CYFIP2: variants seen among roughly 807,000 people sequenced by gnomAD.
CYFIP2 encodes cytoplasmic FMR1 interacting protein 2, also known as cytoplasmic FMR1-interacting protein 2.
In CYFIP2, 29 loss-of-function variants were observed where a neutral mutation model predicts 158.7. The observed-to-expected ratio is 0.18, with a 90% CI of 0.14 to 0.25. CYFIP2 has a LOEUF of 0.25. Among genes scored for constraint, CYFIP2 ranks in the 10% least tolerant of loss-of-function variants. The probability of loss-of-function intolerance (pLI) is 1.00; values close to 1 mark genes in which losing one functional copy is unlikely to be tolerated. For missense variants in CYFIP2, 852 were observed against 1,639.5 expected (o/e 0.52, Z 8.29); for synonymous variants, 585 against 617.6 (o/e 0.95, Z 0.78).
At chr5:157,309,496 C>T (rs143501049) in intron 9 of CYFIP2, among the ~76,000 whole-genome samples, 26 of 152,334 alleles carry the variant, frequency 1.7e-4, no homozygotes, top group African/African-American at 5.8e-4. Flanking sequence ...TGACCTTGGA[C>T]AAGTCACTTT....
intron 18 of CYFIP2, among the ~76,000 whole-genome samples, chr5:157,327,735 G>T (rs73304155): frequency 2.5e-4 from 38 of 152,130 alleles, no homozygotes; most frequent in African/African-American, 8.7e-4. Context: ...CTGAGGAGAG[G>T]GGCCGTGGGG....
chr5:157,293,219 C>T (rs1234512170), intron 3 of CYFIP2, among the ~76,000 whole-genome samples: 2 of 152,184 alleles, frequency 1.3e-5, no homozygotes, highest in African/African-American at 2.4e-5. Flanking sequence ...CCACACCTGG[C>T]TAATTTTTGT....
At position 157,389,204 on chromosome 5, in the gene CYFIP2, C is replaced by T. The variant is rs868315333; in HGVS notation, c.3223C>T (p.Arg1075Cys). The T allele has an allele frequency of 7.4e-6, 12 of 1,611,326 alleles. No individual in the cohort carries two copies. The highest frequency in any genetic ancestry group is 1.0e-5 in the Non-Finnish European group (12 of 1,178,172). ...CTGTTTCCAGCAAATCGCCATTGCT[C>T]GCGAGGGTGACCTCCTGACCAAGGA... ...LGTPQQIAIA[R>C]EGDLLTKERL... Residue 1075 changes from arginine to cysteine, a missense_variant, in exon 29 of 31, where the codon CGC (arginine) becomes TGC (cysteine). Around this residue, in one of 8 missense-constraint regions of CYFIP2, gnomAD observed 223 missense variants for 381.6 expected, o/e 0.58. Transcript: ENST00000620254.
intron 26 of CYFIP2, among the ~76,000 whole-genome samples, chr5:157,370,902 T>A (rs1264413324): frequency 6.6e-6 from 1 of 152,232 alleles, no homozygotes; most frequent in Admixed American, 6.5e-5. Context: ...TACAGCACTA[T>A]TCAAGCAAGG....
intron 26 of CYFIP2, among the ~76,000 whole-genome samples, chr5:157,379,355 ATTAAAC>A (rs1421916310): frequency 6.6e-6 from 1 of 152,128 alleles, no homozygotes; most frequent in African/African-American, 2.4e-5. Context: ...TACCCCATAA[ATTAAAC>A]TTAAATGAAA....
chr5:157,286,194 C>T (rs1757361635), intron 2 of CYFIP2, among the ~76,000 whole-genome samples: 1 of 152,106 alleles, frequency 6.6e-6, no homozygotes. Flanking sequence ...CATTGATTCA[C>T]ATCTTCTAAC....
intron 3 of CYFIP2, 40 bp from the exon 4 acceptor site, chr5:157,294,743 C>T (rs780605196): frequency 1.1e-5 from 18 of 1,586,508 alleles, no homozygotes; most frequent in East Asian, 4.5e-5. Context: ...TGGTGGCACC[C>T]GTCTTGTTCC....
At chr5:157,330,394 G>T (rs568814371) in intron 19 of CYFIP2, among the ~76,000 whole-genome samples, 79 of 152,016 alleles carry the variant, frequency 5.2e-4, no homozygotes, top group Middle Eastern at 3.4e-3. Context: ...TTCCTCACTC[G>T]AATATAAACT....
At chr5:157,389,473 G>A in intron 29 of CYFIP2, 46 bp downstream of exon 29, 1 of 1,475,758 alleles carries the variant, frequency 6.8e-7, no homozygotes, top group Non-Finnish European at 9.1e-7. Flanking sequence ...ACCTGCCTGT[G>A]CTCCTGCAAG....
intron 23 of CYFIP2, among the ~76,000 whole-genome samples, chr5:157,357,875 T>G (rs916314975): frequency 6.6e-6 from 1 of 151,770 alleles, no homozygotes; most frequent in South Asian, 2.1e-4. Context: ...TGAAACCTTA[T>G]GTAAAAAACT....
intron 1 of CYFIP2, among the ~76,000 whole-genome samples, chr5:157,280,330 G>T (rs895259388): frequency 6.6e-6 from 1 of 150,878 alleles, no homozygotes; most frequent in African/African-American, 2.4e-5. Context: ...CTGAGTAGCT[G>T]GGATTACAGG....
intron 1 of CYFIP2, among the ~76,000 whole-genome samples, chr5:157,272,024 C>G (rs1289640871): frequency 6.6e-6 from 1 of 152,210 alleles, no homozygotes; most frequent in African/African-American, 2.4e-5. Flanking sequence ...AGGCCGTTCC[C>G]CTGAGCTGCT....
rs372488845 is a variant in CYFIP2, at chr5:157,287,124, C to G, written c.207+16C>G. On this transcript the variant is annotated intron_variant, in intron 3 of 30. Coordinates refer to ENST00000620254, the MANE Select transcript of CYFIP2 (RefSeq NM_001037333.3). ...CTCCAGCATGGTAAGTCTCTGTGACCCACGTGTGCAGACATGCTCCCTGCT... is the reference window on the plus strand; with the variant it reads ...CTCCAGCATGGTAAGTCTCTGTGACGCACGTGTGCAGACATGCTCCCTGCT... 70 of 1,609,208 alleles carry G rather than the reference C, an allele frequency of 4.3e-5. No individual in the cohort carries two copies. The African/African-American group carries it at 8.7e-4, about 20-fold the overall frequency.
Position 157,359,059 on chromosome 5 carries a change from C to A in CYFIP2, c.2728C>A (p.Pro910Thr), listed in dbSNP as rs1343373167. The change falls in exon 24 of 31, where the codon CCA becomes ACA. Residue 910 changes from proline (P) to threonine (T), a missense_variant. Physicochemically the swap from Pro to Thr is conservative, Grantham distance 38. This residue lies in a region of CYFIP2 where 191 missense variants were observed against 311.2 expected (regional missense o/e 0.61). Transcript: ENST00000620254. Reference protein sequence around the residue: ...IYSSYRNFVGPPHFKTICRLL... With the variant: ...IYSSYRNFVGTPHFKTICRLL... ...CAGCTCCTACAGGAATTTCGTGGGGCCACCTCATTTCAAGACTATCTGCAG... is the reference window on the plus strand; with the variant it reads ...CAGCTCCTACAGGAATTTCGTGGGGACACCTCATTTCAAGACTATCTGCAG... 1 of 1,613,974 alleles carries A rather than the reference C, an allele frequency of 6.2e-7. No individual in the cohort carries two copies. Among genetic ancestry groups the A allele is most frequent in the Non-Finnish European group, 8.5e-7 (1 of 1,179,870 alleles).
At chr5:157,319,032 C>T (rs1266013393) in intron 13 of CYFIP2, among the ~76,000 whole-genome samples, 5 of 152,154 alleles carry the variant, frequency 3.3e-5, no homozygotes, top group Admixed American at 2.0e-4. Context: ...CTCCCTTCCT[C>T]GGGATGGGCA....
In CYFIP2 at chr5:157,333,313, C is replaced by G; in HGVS notation, c.2266-14C>G. On this transcript the variant is annotated splice_polypyrimidine_tract_variant and intron_variant, in intron 20 of 30. Coordinates refer to ENST00000620254, the MANE Select transcript of CYFIP2 (RefSeq NM_001037333.3). ...TGAATTTTAAGTAACTTTTCTCTCT[C>G]TCTCTTCATCCAGCTGTTGGGTAGA... is the stretch of plus-strand genomic sequence containing the variant. The G allele has an allele frequency of 6.2e-7, 1 of 1,613,874 alleles. No individual in the cohort carries two copies. Among genetic ancestry groups the G allele is most frequent in the Non-Finnish European group, 8.5e-7 (1 of 1,179,826 alleles).
At chr5:157,304,404 C>T in intron 8 of CYFIP2, 38 bp downstream of exon 8, 1 of 1,576,790 alleles carries the variant, frequency 6.3e-7, no homozygotes, top group Non-Finnish European at 8.6e-7. Context: ...GGAGCCTGGG[C>T]TTACCCTCTC....
At chr5:157,381,094 A>T (rs954094145) in intron 26 of CYFIP2, among the ~76,000 whole-genome samples, 1 of 152,176 alleles carries the variant, frequency 6.6e-6, no homozygotes, top group Non-Finnish European at 1.5e-5. Flanking sequence ...AGAAAATGAT[A>T]AACAGAGTGA....
At chr5:157,307,636 G>GGTGTGTGTGTGTGTGTGT (rs144622623) in intron 8 of CYFIP2, 125 bp from the exon 9 acceptor site, 103 of 428,564 alleles carry the variant, frequency 2.4e-4, no homozygotes, top group African/African-American at 1.4e-3. Context: ...GTCTCTACAG[G>GGTGTGTGTGTGTGTGTGT]GTGTGTGTGT....
Sources: allele counts gnomAD v4.1 joint callset (sites outside exome capture counted in the v4.1 genomes callset), GRCh38; gene constraint gnomAD v4.1.1; regional missense constraint gnomAD v4.1.1; transcripts MANE v1.5; gene names NCBI Gene and HGNC (gene_info 2026-07-23, HGNC 2026-07-21).